TENM2: variants seen among roughly 807,000 people sequenced by gnomAD.
TENM2 encodes the protein teneurin transmembrane protein 2, also known as teneurin-2.
TENM2 carries 52 observed loss-of-function variants against 245.2 expected under a neutral mutation model. The ratio of observed to expected loss-of-function variants is 0.21; its 90% CI spans 0.17 to 0.27. The LOEUF is 0.27. Ranked by LOEUF, TENM2 falls within the 10% of genes least tolerant of loss-of-function variation. The pLI, the probability that TENM2 is intolerant of heterozygous loss-of-function variation, is 1.00. For missense variants in TENM2, 3,046 were observed against 3,666.8 expected, an observed-to-expected ratio of 0.83 and a Z score of 4.37; for synonymous variants, 1,363 against 1,438.9, an observed-to-expected ratio of 0.95 and a Z score of 1.19.
intron 12 of TENM2, among the ~76,000 whole-genome samples, chr5:168,136,188 C>G (rs1194420518): frequency 6.6e-6 from 1 of 152,140 alleles, no homozygotes; most frequent in African/African-American, 2.4e-5. Flanking sequence ...CTTCATGATG[C>G]TATTCCAAGA....
intron 2 of TENM2, among the ~76,000 whole-genome samples, chr5:167,751,848 T>C (rs1441494244): frequency 1.3e-5 from 2 of 152,086 alleles, no homozygotes; most frequent in African/African-American, 4.8e-5. Context: ...CTGGAGTAAG[T>C]GAATTCCTCT....
chr5:167,023,343 T>C, the TENM2 span, among the ~76,000 whole-genome samples: 1 of 152,216 alleles, frequency 6.6e-6, no homozygotes, highest in South Asian at 2.1e-4. Context: ...TGACTTAATA[T>C]GTAAAGAGTA....
chr5:167,184,965 G>A, the TENM2 span, among the ~76,000 whole-genome samples: 1 of 152,132 alleles, frequency 6.6e-6, no homozygotes, highest in Non-Finnish European at 1.5e-5. Context: ...GTTCACAATG[G>A]GATTCGCGCT....
chr5:167,938,047 T>C (rs969064785), intron 3 of TENM2: 3 of 152,252 alleles, frequency 2.0e-5, no homozygotes, highest in African/African-American at 7.2e-5. Flanking sequence ...AGCACATGTA[T>C]TCCGTGTGCT....
the TENM2 span, among the ~76,000 whole-genome samples, chr5:167,256,027 G>C: frequency 6.6e-6 from 1 of 152,112 alleles, no homozygotes; most frequent in Non-Finnish European, 1.5e-5. Context: ...GCTTGTGATT[G>C]CTGTTTTGTT....
chr5:167,650,790 G>C (rs951109895), intron 2 of TENM2, among the ~76,000 whole-genome samples: 6 of 152,146 alleles, frequency 3.9e-5, no homozygotes, highest in Non-Finnish European at 8.8e-5. Context: ...TCTGTGACTT[G>C]TTATATAGAA....
chr5:167,992,857 C>A, intron 4 of TENM2, 87 bp from the exon 7 acceptor site: 1 of 991,238 alleles, frequency 1.0e-6, no homozygotes, highest in Non-Finnish European at 1.6e-6. Flanking sequence ...TATGCTAGGA[C>A]TAGATAGAGC....
chr5:168,032,790 T>A (rs1477400126), intron 5 of TENM2, among the ~76,000 whole-genome samples: 1 of 152,024 alleles, frequency 6.6e-6, no homozygotes, highest in African/African-American at 2.4e-5. Flanking sequence ...TAGACCACTG[T>A]GTGAGAGGAA....
At chr5:167,613,479 A>G (rs1582545806) in intron 2 of TENM2, among the ~76,000 whole-genome samples, 1 of 152,174 alleles carries the variant, frequency 6.6e-6, no homozygotes, top group East Asian at 1.9e-4. Flanking sequence ...TAAGAGGTAG[A>G]GGCTGGGATC....
intron 2 of TENM2, among the ~76,000 whole-genome samples, chr5:167,810,077 CAGTG>C (rs1766520231): frequency 6.6e-6 from 1 of 152,118 alleles, no homozygotes; most frequent in African/African-American, 2.4e-5. Context: ...GAAGCCTCTG[CAGTG>C]AGTAGACTTT....
intron 1 of TENM2, chr5:167,287,596 C>T (rs1754364207): frequency 6.6e-6 from 1 of 152,340 alleles, no homozygotes; most frequent in East Asian, 1.9e-4. Flanking sequence ...CAGACCTTGT[C>T]CAGTTACCCC....
chr5:167,727,405 C>A (rs558903314), intron 2 of TENM2, among the ~76,000 whole-genome samples: 3 of 152,314 alleles, frequency 2.0e-5, no homozygotes, highest in African/African-American at 7.2e-5. Flanking sequence ...AGCCACCGTG[C>A]CCGGCCATCC....
At chr5:167,768,956 T>C (rs1212738961) in intron 2 of TENM2, among the ~76,000 whole-genome samples, 2 of 152,166 alleles carry the variant, frequency 1.3e-5, no homozygotes, top group Non-Finnish European at 2.9e-5. Flanking sequence ...CCACATCTCC[T>C]AAACAGCAGC....
rs185909553 is a variant in TENM2 at position 167,419,323 on chromosome 5, A to G, written c.502+43850A>G. Among the ~76,000 whole-genome samples the G allele has an allele frequency of 1.2e-4, 18 of 152,224 alleles. No homozygotes were observed. The East Asian group carries it at 3.3e-3, about 28-fold the overall frequency. On this transcript the variant is annotated intron_variant, in intron 2 of 28. Coordinates refer to ENST00000518659, the Ensembl canonical transcript of TENM2. Reference sequence around the variant, plus strand: ...CTAAAAATACAAAAATTAGATGGGCATGGTGGCTCATGCCTGTAATCCCTG... The same window carrying G: ...CTAAAAATACAAAAATTAGATGGGCGTGGTGGCTCATGCCTGTAATCCCTG...
rs531208293 is a variant in TENM2, at chr5:168,199,186, C to T, written c.3162+72C>T. 1.1e-5 allele frequency: 16 copies of T among 1,470,396 alleles called. No homozygotes were observed. The South Asian group carries it at 1.5e-4, about 14-fold the overall frequency. 91.1% of individuals were successfully genotyped at this position (1,470,396 alleles called of 1,614,324 possible). ...AAAACCAACTGGACACTGCCTCTCC[C>T]CGAGTGGACCAGAAACTAATATTGT... is the stretch of plus-strand genomic sequence containing the variant. On this transcript the variant is annotated intron_variant, in intron 16 of 28. Transcript: ENST00000518659.
the TENM2 span, among the ~76,000 whole-genome samples, chr5:167,148,202 AT>A: frequency 2.0e-5 from 3 of 152,354 alleles, no homozygotes; most frequent in African/African-American, 7.2e-5. Context: ...CATTGAATAA[AT>A]ATGGCATGCT....
chr5:167,485,411 G>A (rs1582175718), intron 2 of TENM2, among the ~76,000 whole-genome samples: 1 of 152,254 alleles, frequency 6.6e-6, no homozygotes, highest in East Asian at 1.9e-4. Flanking sequence ...TGTCTGAGAT[G>A]ATTTAATACA....
At chr5:168,036,457 G>A (rs1173803818) in intron 5 of TENM2, among the ~76,000 whole-genome samples, 1 of 151,804 alleles carries the variant, frequency 6.6e-6, no homozygotes, top group African/African-American at 2.4e-5. Flanking sequence ...GCCAAATGGT[G>A]AAACCCCATC....
At chr5:168,226,359 T>C (rs3733985) in intron 24 of TENM2, 96 bp downstream of exon 26, 622,261 of 1,127,864 alleles carry the variant, frequency 0.55, 176,530 homozygotes, top group African/African-American at 0.88. Flanking sequence ...TGGGAGGACT[T>C]CCAGAGACCC....
Sources: gnomAD v4.1 joint callset for allele counts (sites outside exome capture counted in the v4.1 genomes callset) on GRCh38, gnomAD v4.1.1 for gene constraint, MANE v1.5 for transcripts, NCBI Gene and HGNC (gene_info 2026-07-23, HGNC 2026-07-21) for gene names.